The following PPFIA1 variants were observed in gnomAD, a reference collection of about 807,000 sequenced individuals.
PPFIA1 encodes PPFI scaffold protein A1, also known as liprin-alpha-1.
PPFIA1 carries 25 observed loss-of-function variants against 149.9 expected under a neutral mutation model. That is an observed-to-expected ratio of 0.17 (90% CI 0.12 to 0.23). The LOEUF (loss-of-function observed/expected upper bound fraction) is 0.23. PPFIA1 is among the 10% of genes least tolerant of loss of function. The probability of loss-of-function intolerance (pLI) is 1.00; values close to 1 mark genes in which losing one functional copy is unlikely to be tolerated. For missense variants in PPFIA1, 1,362 were observed against 1,506.5 expected (o/e 0.90, Z 1.59); for synonymous variants, 549 against 552.8 (o/e 0.99, Z 0.10).
rs79617087 is a variant in PPFIA1, at chr11:70,383,107, G to A, written c.*117G>A. 1.0e-5 allele frequency: 4 copies of A among 398,002 alleles called. No homozygotes were observed. In the East Asian group the frequency reaches 3.8e-4, roughly 38 times the overall value. The allele number at this position is 398,002 out of a possible 1,614,324, so 24.7% of individuals were successfully genotyped here. A position where few individuals can be genotyped will look rare whatever the true frequency, so the allele number is the denominator to read the frequency against. On this transcript the variant is annotated 3_prime_UTR_variant, in exon 28 of 28. Transcript: ENST00000253925. Reference sequence around the variant, plus strand: ...TTAATCTTGTTAATACTTGTTATATGGACCCTAAGATATTTTATTACAGAG... The same window carrying A: ...TTAATCTTGTTAATACTTGTTATATAGACCCTAAGATATTTTATTACAGAG...
At chr11:70,295,385 C>G (rs1411062584) in intron 2 of PPFIA1, among the ~76,000 whole-genome samples, 1 of 139,988 alleles carries the variant, frequency 7.1e-6, no homozygotes, top group Admixed American at 7.1e-5. Flanking sequence ...GGGGGGCTGA[C>G]CCCCCCATCT....
intron 2 of PPFIA1, among the ~76,000 whole-genome samples, chr11:70,275,798 C>T (rs1244432285): frequency 2.0e-5 from 3 of 152,116 alleles, no homozygotes; most frequent in Admixed American, 6.6e-5. Context: ...TCTAAATTCC[C>T]ATAGATATAG....
intron 16 of PPFIA1, among the ~76,000 whole-genome samples, chr11:70,352,504 G>A (rs900604599): frequency 2.0e-5 from 3 of 152,118 alleles, no homozygotes; most frequent in Admixed American, 6.5e-5. Flanking sequence ...TAACTTCAGC[G>A]TGCTACTTGG....
chr11:70,288,233 G>A (rs1224536380), intron 2 of PPFIA1, among the ~76,000 whole-genome samples: 1 of 151,858 alleles, frequency 6.6e-6, no homozygotes, highest in Non-Finnish European at 1.5e-5. Context: ...CACCATGCCC[G>A]GCTAATTTTT....
intron 1 of PPFIA1, among the ~76,000 whole-genome samples, chr11:70,271,742 CCTT>C (rs1224158271): frequency 5.3e-5 from 8 of 152,158 alleles, no homozygotes; most frequent in South Asian, 2.1e-4. Context: ...GTTGTATGCT[CCTT>C]CTGTGCTTTT....
rs942843380 is a variant in PPFIA1 at position 70,355,892 on chromosome 11, C to T, written c.2488+81C>T. The T allele has an allele frequency of 9.9e-6, 15 of 1,512,164 alleles. No individual in the cohort carries two copies. In the South Asian group the frequency reaches 1.2e-4, roughly 12 times the overall value. 93.7% of individuals were successfully genotyped at this position (1,512,164 alleles called of 1,614,324 possible). ...GCCTTCGGTGCCATCAGTTCCCACG[C>T]GGTGCTCCAGGAGCCGTGTGCTCTC... On this transcript the variant is annotated intron_variant, in intron 18 of 27. Coordinates refer to ENST00000253925, the MANE Select transcript of PPFIA1 (RefSeq NM_003626.5).
intron 15 of PPFIA1, chr11:70,346,019 TTTC>T: frequency 2.2e-6 from 1 of 446,866 alleles, no homozygotes; most frequent in South Asian, 1.6e-5. Flanking sequence ...GGTTTGAATC[TTTC>T]TTGTCTCGTC....
At chr11:70,273,284 G>C (rs2050201208) in intron 2 of PPFIA1, among the ~76,000 whole-genome samples, 1 of 152,038 alleles carries the variant, frequency 6.6e-6, no homozygotes, top group Admixed American at 6.6e-5. Flanking sequence ...TTAAAGCTTA[G>C]AACAACTGAA....
intron 10 of PPFIA1, 36 bp from the exon 11 acceptor site, chr11:70,335,527 C>G (rs370795889): frequency 1.2e-6 from 2 of 1,606,142 alleles, no homozygotes; most frequent in Non-Finnish European, 1.7e-6. Flanking sequence ...CGAGGATTTA[C>G]GTGAGGTTTA....
At chr11:70,303,717 A>C (rs909126547) in intron 2 of PPFIA1, among the ~76,000 whole-genome samples, 2 of 152,130 alleles carry the variant, frequency 1.3e-5, no homozygotes, top group Non-Finnish European at 2.9e-5. Flanking sequence ...AAGGACTGGT[A>C]ACTGGAGGCC....
intron 2 of PPFIA1, among the ~76,000 whole-genome samples, chr11:70,320,437 T>C (rs975231026): frequency 4.9e-5 from 4 of 82,390 alleles, no homozygotes; most frequent in Non-Finnish European, 8.4e-5. Flanking sequence ...ATGTAGCTAC[T>C]TTTTTTTTTT....
chr11:70,350,980 C>A, intron 16 of PPFIA1: 1 of 1,251,468 alleles, frequency 8.0e-7, no homozygotes, highest in Non-Finnish European at 1.0e-6. Flanking sequence ...CATTTCTTTG[C>A]ATGCATCTAT....
intron 2 of PPFIA1, among the ~76,000 whole-genome samples, chr11:70,273,756 C>A (rs980416746): frequency 2.6e-5 from 4 of 151,926 alleles, no homozygotes; most frequent in African/African-American, 9.7e-5. Context: ...TATAAATTAC[C>A]AAGTTTATTT....
chr11:70,348,378 C>T lies in PPFIA1; in HGVS notation c.2121C>T (p.His707=). The T allele has an allele frequency of 6.2e-7, 1 of 1,613,994 alleles. No homozygotes were observed. The highest frequency in any genetic ancestry group is 8.5e-7 in the Non-Finnish European group (1 of 1,179,832). The change falls in exon 16 of 28, where the codon CAC becomes CAT. Residue 707 remains histidine, a synonymous_variant. Coordinates refer to ENST00000253925, the MANE Select transcript of PPFIA1 (RefSeq NM_003626.5). The part of the protein sequence containing the change: ...SGRSTPRRIP[H]SPAREVDRLG... ...GCTCCACCCCACGAAGGATCCCTCA[C>T]AGCCCAGCTCGGGAAGTGGACAGAC...
intron 12 of PPFIA1, 85 bp from the exon 13 acceptor site, chr11:70,338,289 T>C: frequency 9.1e-7 from 1 of 1,096,236 alleles, no homozygotes; most frequent in Non-Finnish European, 1.4e-6. Flanking sequence ...GTTAGGGTTA[T>C]GCCCAACATC....
At chr11:70,348,555 CTATT>C in intron 16 of PPFIA1, 135 bp downstream of exon 16, 1 of 758,592 alleles carries the variant, frequency 1.3e-6, no homozygotes, top group Non-Finnish European at 2.1e-6. Flanking sequence ...AAACTAGTTA[CTATT>C]TAATCATTCA....
chr11:70,310,774 C>T (rs1390426177), intron 2 of PPFIA1, among the ~76,000 whole-genome samples: 1 of 152,098 alleles, frequency 6.6e-6, no homozygotes, highest in East Asian at 1.9e-4. Flanking sequence ...GTTCAAGCTG[C>T]GGTTGGTAGT....
intron 2 of PPFIA1, among the ~76,000 whole-genome samples, chr11:70,289,134 A>AT (rs34632409): frequency 0.21 from 31,782 of 150,460 alleles, 3,521 homozygotes; most frequent in South Asian, 0.26. Flanking sequence ...TGCTTGGCTA[A>AT]TTTTTTTTTG....
At chr11:70,317,764 A>G (rs2053720508) in intron 2 of PPFIA1, among the ~76,000 whole-genome samples, 2 of 152,154 alleles carry the variant, frequency 1.3e-5, no homozygotes, top group Non-Finnish European at 2.9e-5. Flanking sequence ...TGGTCTGTGC[A>G]GTAGTAACTC....
Sources: allele counts gnomAD v4.1 joint callset (sites outside exome capture counted in the v4.1 genomes callset), GRCh38; gene constraint gnomAD v4.1.1; transcripts MANE v1.5; gene names NCBI Gene and HGNC (gene_info 2026-07-23, HGNC 2026-07-21).